The following KIAA0319 variants were observed in gnomAD, a reference collection of about 807,000 sequenced individuals.
KIAA0319 encodes the protein dyslexia-associated protein KIAA0319.
KIAA0319 carries 83 observed loss-of-function variants against 108.4 expected under a neutral mutation model. The ratio of observed to expected loss-of-function variants is 0.77; its 90% confidence interval spans 0.64 to 0.92. The LOEUF is 0.92. KIAA0319 is among the 40% of genes least tolerant of loss of function. KIAA0319 has a pLI of 0.00. For missense variants in KIAA0319, 1,195 were observed against 1,322.4 expected (o/e 0.90, Z 1.49); for synonymous variants, 484 against 510.4 (o/e 0.95, Z 0.70).
chr6:24,559,154 T>C lies in KIAA0319; in HGVS notation c.2593A>G (p.Thr865Ala). Residue 865 changes from threonine (T) to alanine (A), a missense_variant and splice_region_variant, in exon 17 of 21, where the codon ACC becomes GCC. By Grantham distance (58) the Thr-to-Ala change is moderately conservative. Coordinates refer to ENST00000378214, the MANE Select transcript of KIAA0319 (RefSeq NM_014809.4). Reference sequence around the variant, plus strand: ...CTCTGTACATAAAACACAATCACGGTGCTGTGGAGGAGACAATGAGAGAGG... The same window carrying C: ...CTCTGTACATAAAACACAATCACGGCGCTGTGGAGGAGACAATGAGAGAGG... Reference protein sequence around the residue: ...QKIRAHSDLSTVIVFYVQSRP... With the variant: ...QKIRAHSDLSAVIVFYVQSRP... 6.2e-7 allele frequency: 1 copy of C among 1,612,540 alleles called. No homozygotes were observed. Among genetic ancestry groups the C allele is most frequent in the South Asian group, 1.1e-5 (1 of 90,908 alleles).
chr6:24,641,248 A>C (rs9461043), intron 1 of KIAA0319, among the ~76,000 whole-genome samples: 106,961 of 152,146 alleles, frequency 0.7, 38,182 homozygotes, highest in East Asian at 0.87. Flanking sequence ...TTCCTTTTTA[A>C]GGCTGAGTAA....
chr6:24,572,442 A>G (rs1361139824), intron 11 of KIAA0319, 133 bp downstream of exon 11: 4 of 980,940 alleles, frequency 4.1e-6, no homozygotes, highest in Non-Finnish European at 4.4e-6. Flanking sequence ...GAACCTTGAA[A>G]TGAAATTAGT....
chr6:24,636,354 G>A (rs1776201542), intron 1 of KIAA0319, among the ~76,000 whole-genome samples: 1 of 152,208 alleles, frequency 6.6e-6, no homozygotes, highest in Non-Finnish European at 1.5e-5. Context: ...TATACAAGGG[G>A]TCTTCACAAA....
At chr6:24,608,930 C>CAACA (rs1771854033) in intron 1 of KIAA0319, among the ~76,000 whole-genome samples, 1 of 30,110 alleles carries the variant, frequency 3.3e-5, no homozygotes, top group East Asian at 2.4e-3. Flanking sequence ...GACTCCGTCT[C>CAACA]AAAAAAAAAA....
chr6:24,585,775 T>G (rs1387728416), intron 4 of KIAA0319, among the ~76,000 whole-genome samples: 3 of 152,174 alleles, frequency 2.0e-5, no homozygotes, highest in Non-Finnish European at 4.4e-5. Context: ...GATTGATGTC[T>G]TATGTCTCCC....
rs367821657 is a variant in KIAA0319 at position 24,579,273 on chromosome 6, G to A, written c.1372+585C>T. Among the ~76,000 whole-genome samples, 10 of 151,938 alleles carry A rather than the reference G, an allele frequency of 6.6e-5. No homozygotes were observed. The South Asian group carries it at 1.2e-3, about 19-fold the overall frequency. On this transcript the variant is annotated intron_variant, in intron 8 of 20. Transcript: ENST00000378214. ...CCACATATACTCCCATAGAAGAAAC[G>A]ATCTCTGAATGAATTTTAAAAAACC...
chr6:24,630,380 G>A (rs1775360361), intron 1 of KIAA0319, among the ~76,000 whole-genome samples: 1 of 145,854 alleles, frequency 6.9e-6, no homozygotes, highest in Non-Finnish European at 1.5e-5. Context: ...ATGGTGACAT[G>A]CGCCTGTAAT....
intron 1 of KIAA0319, among the ~76,000 whole-genome samples, chr6:24,613,975 T>C (rs1455128063): frequency 6.6e-6 from 1 of 152,200 alleles, no homozygotes; most frequent in Admixed American, 6.5e-5. Context: ...TGCCCAAAAC[T>C]ATCCTGTGGA....
intron 1 of KIAA0319, among the ~76,000 whole-genome samples, chr6:24,645,074 T>C (rs1777444180): frequency 6.6e-6 from 1 of 152,212 alleles, no homozygotes; most frequent in Non-Finnish European, 1.5e-5. Flanking sequence ...AATACCAACA[T>C]TTACTTCCAA....
In KIAA0319 at chr6:24,642,243, AAG is replaced by A. The variant is rs1777048599; in HGVS notation, c.-106+3491_-106+3492del. 4.6e-5 allele frequency among the ~76,000 whole-genome samples: 7 copies of A among 151,866 alleles called. No homozygotes were observed. The South Asian group carries it at 1.5e-3, about 32-fold the overall frequency. On this transcript the variant is annotated intron_variant, in intron 1 of 20. Transcript: ENST00000378214. ...GGAAGGAAAGAAAGAGAAAGAAAAAAAGAAAAGAAAGAAAGGGAAGGAAGGAA... is the reference window on the plus strand; with the variant it reads ...GGAAGGAAAGAAAGAGAAAGAAAAAAAAAAGAAAGAAAGGGAAGGAAGGAA...
intron 1 of KIAA0319, among the ~76,000 whole-genome samples, chr6:24,639,843 T>C (rs1284150006): frequency 1.1e-5 from 1 of 91,902 alleles, no homozygotes; most frequent in African/African-American, 5.0e-5. Flanking sequence ...TGAGACTCCA[T>C]CTTAAAAAAA....
chr6:24,548,237 C>A (rs1219512149), intron 20 of KIAA0319, among the ~76,000 whole-genome samples: 1 of 151,974 alleles, frequency 6.6e-6, no homozygotes, highest in Non-Finnish European at 1.5e-5. Flanking sequence ...TGTCACACTA[C>A]CAGGAAAGAT....
chr6:24,640,027 T>C (rs1418819870), intron 1 of KIAA0319, among the ~76,000 whole-genome samples: 1 of 112,434 alleles, frequency 8.9e-6, no homozygotes, highest in Non-Finnish European at 1.8e-5. Flanking sequence ...CATATACTTT[T>C]AGAGAACAAA....
chr6:24,580,042 T>C (rs931696030), intron 7 of KIAA0319, 92 bp from the exon 8 acceptor site: 3 of 965,686 alleles, frequency 3.1e-6, no homozygotes, highest in African/African-American at 1.6e-5. Context: ...AAATTGATTA[T>C]ACATGTCCTG....
chr6:24,624,445 A>T (rs572941757), intron 1 of KIAA0319, among the ~76,000 whole-genome samples: 1 of 152,248 alleles, frequency 6.6e-6, no homozygotes, highest in Admixed American at 6.5e-5. Flanking sequence ...ACAAATAAAA[A>T]TTTTTTTGGA....
chr6:24,627,376 T>A (rs913202742), intron 1 of KIAA0319, among the ~76,000 whole-genome samples: 1 of 152,172 alleles, frequency 6.6e-6, no homozygotes, highest in Non-Finnish European at 1.5e-5. Flanking sequence ...GCTGAGGACT[T>A]AGTGCTCAGT....
chr6:24,540,967 A>G (rs1676150674), downstream of KIAA0319, among the ~76,000 whole-genome samples: 1 of 152,116 alleles, frequency 6.6e-6, no homozygotes, highest in African/African-American at 2.4e-5. Context: ...GTACACCTCT[A>G]CCTAATTTGA....
At chr6:24,605,751 T>C (rs1204450923) in intron 1 of KIAA0319, among the ~76,000 whole-genome samples, 3 of 152,160 alleles carry the variant, frequency 2.0e-5, no homozygotes, top group African/African-American at 7.2e-5. Flanking sequence ...AATATATGCT[T>C]TTTTTCTTTT....
In KIAA0319 at chr6:24,596,107, C is replaced by A; in HGVS notation, c.567G>T (p.Pro189=). The part of the protein sequence containing the change: ...SAEYTDWGLL[P]GSEGAFNSSV... Reference sequence around the variant, plus strand: ...AGGAGTTGAAGGCCCCCTCGCTGCCCGGCAGTAGGCCCCAGTCCGTGTACT... The same window carrying A: ...AGGAGTTGAAGGCCCCCTCGCTGCCAGGCAGTAGGCCCCAGTCCGTGTACT... Residue 189 remains proline, a synonymous_variant, in exon 3 of 21, where the codon CCG becomes CCT. Transcript: ENST00000378214. 1 of 1,614,070 alleles carries A rather than the reference C, an allele frequency of 6.2e-7. No homozygotes were observed. The highest frequency in any genetic ancestry group is 1.6e-4 in the Middle Eastern group (1 of 6,062).
Sources: gnomAD v4.1 joint callset for allele counts (sites outside exome capture counted in the v4.1 genomes callset) on GRCh38, gnomAD v4.1.1 for gene constraint, MANE v1.5 for transcripts, NCBI Gene and HGNC (gene_info 2026-07-23, HGNC 2026-07-21) for gene names.